The following FHL1 variants were observed in gnomAD, a reference collection of about 807,000 sequenced individuals.
FHL1 encodes four and a half LIM domains 1, also known as four and a half LIM domains protein 1.
FHL1 carries 1 observed loss-of-function variant against 20.3 expected under a neutral mutation model. The observed-to-expected ratio is 0.05, with a 90% CI of 0.02 to 0.23. FHL1 has a LOEUF of 0.23. Ranked by LOEUF, FHL1 falls within the 10% of genes least tolerant of loss-of-function variation. FHL1 has a pLI of 1.00. For synonymous variants in FHL1, 82 were observed against 88.9 expected (o/e 0.92, Z 0.44); for missense variants, 177 against 234.0 (o/e 0.76, Z 1.59).
chrX:136,209,663 C>T (rs1447061450), intron 5 of FHL1, among the ~76,000 whole-genome samples: 1 of 109,913 alleles, frequency 9.1e-6, no homozygotes, highest in Non-Finnish European at 1.9e-5. Context: ...AGGGTTGCGG[C>T]GGCATGGGGG....
At chrX:136,191,922 G>A (rs2073438781) in intron 2 of FHL1, among the ~76,000 whole-genome samples, 1 of 111,867 alleles carries the variant, frequency 8.9e-6, no homozygotes, top group South Asian at 3.7e-4. Context: ...TGGGCTTGGT[G>A]AATGCCAGGA....
chrX:136,194,317 C>T (rs992032160), upstream of FHL1, among the ~76,000 whole-genome samples: 8 of 112,144 alleles, frequency 7.1e-5, no homozygotes, highest in African/African-American at 2.3e-4. Flanking sequence ...GGGCATCTGT[C>T]CAATAAATGC....
At chrX:136,152,989 G>A (rs751742980) in intron 1 of FHL1, among the ~76,000 whole-genome samples, 3 of 111,390 alleles carry the variant, frequency 2.7e-5, no homozygotes, top group Admixed American at 9.6e-5. Context: ...TTAACCTTTC[G>A]GTAGCTCACC....
intron 1 of FHL1, among the ~76,000 whole-genome samples, chrX:136,159,137 C>T (rs1603244647): frequency 2.8e-5 from 1 of 35,314 alleles, no homozygotes; most frequent in African/African-American, 6.8e-5. Flanking sequence ...CCTAAAACTG[C>T]TAAAAAAAAA....
At chrX:136,195,477 C>A (rs1380641815), upstream of FHL1, among the ~76,000 whole-genome samples, 2 of 112,311 alleles carry the variant, frequency 1.8e-5, no homozygotes, top group Non-Finnish European at 3.8e-5. Context: ...TTTAATCAGG[C>A]TGGATGAGAA....
chrX:136,147,686 C>T (rs1000552873), intron 1 of FHL1: 22 of 108,981 alleles, frequency 2.0e-4, no homozygotes, highest in Non-Finnish European at 3.1e-4. Context: ...CGCCGGCGTC[C>T]TGGGTCCCGG....
chrX:136,173,858 C>T (rs865887045), intron 2 of FHL1, among the ~76,000 whole-genome samples: 3 of 110,620 alleles, frequency 2.7e-5, no homozygotes, highest in African/African-American at 9.9e-5. Context: ...GCACCACGCC[C>T]GGCTAATTTT....
At chrX:136,150,226 T>G (rs180761354) in intron 1 of FHL1, among the ~76,000 whole-genome samples, 1 of 112,244 alleles carries the variant, frequency 8.9e-6, no homozygotes, top group African/African-American at 3.2e-5. Context: ...TAAATCACGT[T>G]TTCATGTAAG....
upstream of FHL1, among the ~76,000 whole-genome samples, chrX:136,194,657 T>G (rs1268670993): frequency 8.9e-6 from 1 of 111,992 alleles, no homozygotes; most frequent in African/African-American, 3.2e-5. Context: ...CTTAAAGATA[T>G]TATTAAACAT....
intron 2 of FHL1, among the ~76,000 whole-genome samples, chrX:136,177,013 TACACACAC>T (rs10527786): frequency 1.1e-5 from 1 of 88,656 alleles, no homozygotes; most frequent in Non-Finnish European, 2.2e-5. Context: ...CATGTAGAAA[TACACACAC>T]ACACACACAC....
chrX:136,194,664 A>G (rs962173075), upstream of FHL1, among the ~76,000 whole-genome samples: 1 of 112,084 alleles, frequency 8.9e-6, no homozygotes, highest in Non-Finnish European at 1.9e-5. Flanking sequence ...ATATTATTAA[A>G]CATCATACTG....
upstream of FHL1, among the ~76,000 whole-genome samples, chrX:136,165,683 A>G (rs1422752141): frequency 8.9e-6 from 1 of 111,914 alleles, no homozygotes; most frequent in Non-Finnish European, 1.9e-5. Context: ...TCTTCTTTTA[A>G]GTTCTTTCAA....
chrX:136,192,824 T>C (rs1349846069), upstream of FHL1, among the ~76,000 whole-genome samples: 2 of 111,779 alleles, frequency 1.8e-5, no homozygotes, highest in African/African-American at 6.5e-5. Flanking sequence ...CCTTAAAGAT[T>C]GACAGGAACA....
At chrX:136,208,390 C>T (rs759475313) in intron 4 of FHL1, 65 bp from the exon 5 acceptor site, 3 of 1,129,632 alleles carry the variant, frequency 2.7e-6, no homozygotes, top group Non-Finnish European at 3.7e-6. Context: ...CAGTGCCTGG[C>T]ACGCAGTAGG....
upstream of FHL1, chrX:136,196,752 T>TC: frequency 9.2e-7 from 1 of 1,084,417 alleles, no homozygotes. Flanking sequence ...TAAGGTTGGC[T>TC]CAGCGTTAAG....
At chrX:136,170,100 T>A in intron 2 of FHL1, 1 of 287,940 alleles carries the variant, frequency 3.5e-6, no homozygotes, top group Non-Finnish European at 6.6e-6. Context: ...AAGGTTCATT[T>A]TAATTGACTC....
chrX:136,195,748 G>C (rs1224944158), upstream of FHL1, among the ~76,000 whole-genome samples: 1 of 111,711 alleles, frequency 9.0e-6, no homozygotes, highest in African/African-American at 3.3e-5. Flanking sequence ...TGTGCTATAG[G>C]AACATGAAGA....
At chrX:136,160,147 A>G (rs1037434529) in intron 1 of FHL1, among the ~76,000 whole-genome samples, 7 of 111,707 alleles carry the variant, frequency 6.3e-5, no homozygotes, top group Non-Finnish European at 1.1e-4. Flanking sequence ...TGAGTTGGCT[A>G]TGAGAACAGA....
upstream of FHL1, among the ~76,000 whole-genome samples, chrX:136,166,222 G>A (rs953631039): frequency 1.8e-5 from 2 of 111,830 alleles, no homozygotes; most frequent in African/African-American, 6.5e-5. Context: ...AAAGTGAAAT[G>A]GAGATACAAA....
Sources: gnomAD v4.1 joint callset for allele counts (sites outside exome capture counted in the v4.1 genomes callset) on GRCh38, gnomAD v4.1.1 for gene constraint, MANE v1.5 for transcripts, NCBI Gene and HGNC (gene_info 2026-07-23, HGNC 2026-07-21) for gene names.